NUAK1: variants seen among roughly 807,000 people sequenced by gnomAD.
The protein encoded by NUAK1 is NUAK family SNF1-like kinase 1.
Under a neutral mutation model 56.9 loss-of-function variants are expected in NUAK1, and 26 were observed. That is an observed-to-expected ratio of 0.46 (90% confidence interval 0.33 to 0.63). The LOEUF (loss-of-function observed/expected upper bound fraction) is 0.63, where lower values mean the gene tolerates loss of function less well. NUAK1 is among the 30% of genes least tolerant of loss of function. The pLI, the probability that NUAK1 is intolerant of heterozygous loss-of-function variation, is 0.02. For missense variants in NUAK1, 727 were observed against 876.1 expected, an observed-to-expected ratio of 0.83 and a Z score of 2.15; for synonymous variants, 337 against 336.0, an observed-to-expected ratio of 1.00 and a Z score of -0.03.
At chr12:106,093,028 C>T (rs372989598) in intron 2 of NUAK1, among the ~76,000 whole-genome samples, 7 of 152,288 alleles carry the variant, frequency 4.6e-5, no homozygotes, top group African/African-American at 1.7e-4. Context: ...TCATTAACCC[C>T]AAGGAGTTGC....
chr12:106,084,049 C>G, intron 3 of NUAK1, 120 bp from the exon 4 acceptor site: 2 of 847,166 alleles, frequency 2.4e-6, no homozygotes, highest in East Asian at 5.0e-5. Flanking sequence ...AATGCACCAG[C>G]CCGGTGGTCT....
At chr12:106,111,800 G>A (rs1174979082) in intron 1 of NUAK1, among the ~76,000 whole-genome samples, 1 of 151,290 alleles carries the variant, frequency 6.6e-6, no homozygotes, top group Admixed American at 6.6e-5. Context: ...TTAATCATGT[G>A]CCAGTGGACC....
chr12:106,138,857 C>G lies in NUAK1; in HGVS notation c.-204G>C. 1.7e-6 allele frequency: 1 copy of G among 581,744 alleles called. No homozygotes were observed. Among genetic ancestry groups the G allele is most frequent in the Non-Finnish European group, 2.6e-6 (1 of 389,816 alleles). 36.0% of individuals were successfully genotyped at this position (581,744 alleles called of 1,614,324 possible). On this transcript the variant is annotated 5_prime_UTR_variant, in exon 1 of 7. Coordinates refer to ENST00000261402, the MANE Select transcript of NUAK1 (RefSeq NM_014840.3). The surrounding 1 kb of genome is among the most constrained non-coding windows in gnomAD (Gnocchi z 5.0). ...TGGCGCCCGCGGCGCGCACGGTCCG[C>G]GCACCGCCCCCCGGCCGCGGCGAGC...
At chr12:106,094,783 C>T (rs145864466) in intron 2 of NUAK1, among the ~76,000 whole-genome samples, 2 of 152,340 alleles carry the variant, frequency 1.3e-5, no homozygotes. Context: ...GTAGAAGCCA[C>T]CTGCAGAAGA....
intron 1 of NUAK1, among the ~76,000 whole-genome samples, chr12:106,112,722 T>C (rs2032874931): frequency 6.6e-6 from 1 of 152,104 alleles, no homozygotes; most frequent in Non-Finnish European, 1.5e-5. Flanking sequence ...TACATGAATG[T>C]ATTTCAGAAA....
At chr12:106,087,652 G>A (rs567410055) in intron 2 of NUAK1, among the ~76,000 whole-genome samples, 1 of 152,328 alleles carries the variant, frequency 6.6e-6, no homozygotes, top group African/African-American at 2.4e-5. Context: ...AAGTTTGTGT[G>A]TAAGGTTTTA....
Position 106,138,727 on chromosome 12 carries a change from A to G in NUAK1, c.-74T>C. 1 of 1,429,032 alleles carries G rather than the reference A, an allele frequency of 7.0e-7. No homozygotes were observed. The highest frequency in any genetic ancestry group is 9.1e-7 in the Non-Finnish European group (1 of 1,098,584). The allele number at this position is 1,429,032 out of a possible 1,614,324, so 88.5% of individuals were successfully genotyped here. On this transcript the variant is annotated 5_prime_UTR_variant, in exon 1 of 7. Coordinates refer to ENST00000261402, the MANE Select transcript of NUAK1 (RefSeq NM_014840.3). The surrounding 1 kb of genome is among the most constrained non-coding windows in gnomAD (Gnocchi z 5.0). ...CGCTGGGATGTCGGGGTCCCCACCG[A>G]GGGAAGCCGCTGTACGCTCAAGGTC...
intron 1 of NUAK1, among the ~76,000 whole-genome samples, chr12:106,136,098 GT>G (rs2033126976): frequency 6.6e-6 from 1 of 152,136 alleles, no homozygotes; most frequent in Admixed American, 6.5e-5. Context: ...TTTATGCAAG[GT>G]TTTTACCCAG....
intron 2 of NUAK1, among the ~76,000 whole-genome samples, chr12:106,100,108 A>G (rs1380318038): frequency 6.7e-6 from 1 of 149,636 alleles, no homozygotes; most frequent in East Asian, 2.1e-4. Flanking sequence ...ATGAAACCCC[A>G]TCTCTACCAA....
intron 2 of NUAK1, chr12:106,103,358 G>A (rs1481304856): frequency 3.3e-5 from 5 of 152,220 alleles, no homozygotes; most frequent in African/African-American, 4.8e-5. Context: ...GCACAGGATT[G>A]TATGGCTCCA....
intron 6 of NUAK1, among the ~76,000 whole-genome samples, chr12:106,068,518 G>A (rs773961622): frequency 2.0e-5 from 3 of 152,168 alleles, no homozygotes; most frequent in Non-Finnish European, 2.9e-5. Context: ...AGCTGGCCTC[G>A]CCCCAAGGTC....
chr12:106,068,383 A>G (rs1212838544), intron 6 of NUAK1, among the ~76,000 whole-genome samples: 2 of 152,218 alleles, frequency 1.3e-5, no homozygotes, highest in African/African-American at 4.8e-5. Context: ...TATTCCTCCA[A>G]AGGTGGGCTT....
At position 106,099,005 on chromosome 12, in the gene NUAK1, C is replaced by T. The variant is rs1351661474; in HGVS notation, c.361+7400G>A. Among the ~76,000 whole-genome samples the T allele has an allele frequency of 2.6e-5, 4 of 152,136 alleles. No homozygotes were observed. In the East Asian group the frequency reaches 7.7e-4, roughly 29 times the overall value. ...CAGGGGTCCCTCTTTGAGATGGTGCCAGAGATTTCTTTCTTTTCTCTTGAT... is the reference window on the plus strand; with the variant it reads ...CAGGGGTCCCTCTTTGAGATGGTGCTAGAGATTTCTTTCTTTTCTCTTGAT... On this transcript the variant is annotated intron_variant, in intron 2 of 6. Transcript: ENST00000261402.
At chr12:106,083,231 G>C (rs1336571019) in intron 4 of NUAK1, among the ~76,000 whole-genome samples, 1 of 152,152 alleles carries the variant, frequency 6.6e-6, no homozygotes, top group Non-Finnish European at 1.5e-5. Context: ...AGGTGGAGAG[G>C]GAGAAGTAGG....
intron 2 of NUAK1, chr12:106,105,823 T>G (rs1369857027): frequency 6.6e-6 from 1 of 152,252 alleles, no homozygotes; most frequent in South Asian, 2.1e-4. Flanking sequence ...TTTCTTCTCA[T>G]GAAGGACCAA....
chr12:106,112,936 C>A (rs2032878589), intron 1 of NUAK1, among the ~76,000 whole-genome samples: 1 of 152,134 alleles, frequency 6.6e-6, no homozygotes, highest in Admixed American at 6.5e-5. Flanking sequence ...TCTCAAAATT[C>A]TACATAAAAG....
At chr12:106,084,152 G>A (rs1565920602) in intron 3 of NUAK1, 1 of 553,262 alleles carries the variant, frequency 1.8e-6, no homozygotes, top group East Asian at 2.9e-5. Context: ...TTGCTGTGTG[G>A]TTAAGGGAAA....
In NUAK1 at chr12:106,077,682, A is replaced by G. The variant is rs184442792; in HGVS notation, c.580-4839T>C. ...CACCCCACTCCAATCTGGCCCACGG[A>G]CCAGCAGCATTAGCATCACCTCGGA... is the stretch of plus-strand genomic sequence containing the variant. On this transcript the variant is annotated intron_variant, in intron 4 of 6. Coordinates refer to ENST00000261402, the MANE Select transcript of NUAK1 (RefSeq NM_014840.3). 2.6e-3 allele frequency among the ~76,000 whole-genome samples: 395 copies of G among 152,302 alleles called. 2 individuals carry two copies. The highest frequency in any genetic ancestry group is 4.6e-3 in the Non-Finnish European group (312 of 68,026).
At chr12:106,077,513 C>T (rs937021492) in intron 4 of NUAK1, among the ~76,000 whole-genome samples, 1 of 152,216 alleles carries the variant, frequency 6.6e-6, no homozygotes, top group African/African-American at 2.4e-5. Flanking sequence ...GAGATCTTAC[C>T]ACTCATTTAT....
Sources: allele counts gnomAD v4.1 joint callset (sites outside exome capture counted in the v4.1 genomes callset), GRCh38; gene constraint gnomAD v4.1.1; non-coding constraint Gnocchi (gnomAD v3.1); transcripts MANE v1.5; gene names NCBI Gene and HGNC (gene_info 2026-07-23, HGNC 2026-07-21).